Variants in BABAM2 observed in about 807,000 individuals in gnomAD.
The protein encoded by BABAM2 is BRISC and BRCA1-A complex member 2.
A neutral mutation model predicts 54.7 loss-of-function variants in BABAM2; 31 were observed. The ratio of observed to expected loss-of-function variants is 0.57; its 90% CI spans 0.43 to 0.77. BABAM2 has a LOEUF of 0.77. BABAM2 is among the 30% of genes least tolerant of loss of function. BABAM2 has a pLI of 0.00. For synonymous variants in BABAM2, 167 were observed against 162.9 expected (o/e 1.03, Z -0.19); for missense variants, 364 against 455.8 (o/e 0.80, Z 1.83).
Position 28,338,708 on chromosome 2 carries a change from C to G in BABAM2, c.*195C>G. 1.7e-6 allele frequency: 1 copy of G among 577,770 alleles called. No individual in the cohort carries two copies. Among genetic ancestry groups the G allele is most frequent in the Non-Finnish European group, 3.1e-6 (1 of 326,894 alleles). The allele number at this position is 577,770 out of a possible 1,614,324, so 35.8% of individuals were successfully genotyped here. A position where few individuals can be genotyped will look rare whatever the true frequency, so the allele number is the denominator to read the frequency against. Reference sequence around the variant, plus strand: ...GGCTGGTGGTCCCTGGATCCTAGAGCCCTTCACTTCGGGTTACTCCCTCTT... The same window carrying G: ...GGCTGGTGGTCCCTGGATCCTAGAGGCCTTCACTTCGGGTTACTCCCTCTT... On this transcript the variant is annotated 3_prime_UTR_variant, in exon 12 of 12. Coordinates refer to ENST00000379624, the MANE Select transcript of BABAM2 (RefSeq NM_199191.3).
chr2:28,005,031 T>C (rs1052069557), intron 4 of BABAM2, among the ~76,000 whole-genome samples: 1 of 152,190 alleles, frequency 6.6e-6, no homozygotes, highest in Non-Finnish European at 1.5e-5. Flanking sequence ...TACTTTCAAC[T>C]ACTATCTAGG....
At chr2:27,968,030 A>G (rs1192112675) in intron 3 of BABAM2, among the ~76,000 whole-genome samples, 1 of 152,254 alleles carries the variant, frequency 6.6e-6, no homozygotes, top group East Asian at 1.9e-4. Flanking sequence ...CATATTCTGA[A>G]GAGAAAATTC....
chr2:28,054,311 CT>C (rs1046182328), intron 6 of BABAM2, among the ~76,000 whole-genome samples: 2 of 152,098 alleles, frequency 1.3e-5, no homozygotes, highest in African/African-American at 4.8e-5. Flanking sequence ...TCCCCCTACC[CT>C]TTTTTTAACC....
chr2:27,958,587 G>GT (rs935040904), intron 3 of BABAM2, among the ~76,000 whole-genome samples: 29 of 149,324 alleles, frequency 1.9e-4, no homozygotes, highest in East Asian at 1.4e-3. Context: ...TGTATATTTA[G>GT]TTTTTTTTTA....
intron 10 of BABAM2, among the ~76,000 whole-genome samples, chr2:28,279,592 C>G (rs1042477031): frequency 2.0e-5 from 3 of 151,852 alleles, no homozygotes; most frequent in Admixed American, 2.0e-4. Flanking sequence ...TCTCGAAATC[C>G]CCAACTTCTG....
At chr2:28,159,746 G>A (rs779675291) in intron 7 of BABAM2, among the ~76,000 whole-genome samples, 11 of 151,994 alleles carry the variant, frequency 7.2e-5, no homozygotes, top group Non-Finnish European at 1.0e-4. Flanking sequence ...TGGGCGTGGT[G>A]GCAAGCACCT....
At position 28,268,915 on chromosome 2, in the gene BABAM2, A is replaced by G. The variant is rs192607495; in HGVS notation, c.934+24053A>G. 2.0e-5 allele frequency among the ~76,000 whole-genome samples: 3 copies of G among 152,362 alleles called. No homozygotes were observed. The East Asian group carries it at 5.8e-4, about 29-fold the overall frequency. ...TGCGGAGAAATCCTACAAAGCTGTT[A>G]TTGTGATCCTTGCCAATGAAAGGCA... On this transcript the variant is annotated intron_variant, in intron 10 of 11. Transcript: ENST00000379624.
At chr2:28,166,378 A>G (rs1415894753) in intron 7 of BABAM2, among the ~76,000 whole-genome samples, 1 of 152,110 alleles carries the variant, frequency 6.6e-6, no homozygotes, top group African/African-American at 2.4e-5. Flanking sequence ...GTGACCAAAA[A>G]CTACTCTAGC....
At chr2:28,172,905 G>A (rs1183981659) in intron 7 of BABAM2, among the ~76,000 whole-genome samples, 6 of 152,166 alleles carry the variant, frequency 3.9e-5, no homozygotes, top group Non-Finnish European at 8.8e-5. Flanking sequence ...CACAGTTCCA[G>A]AGGCTAAGAA....
intron 6 of BABAM2, among the ~76,000 whole-genome samples, chr2:28,072,003 A>AT (rs1277111557): frequency 2.0e-5 from 3 of 151,934 alleles, no homozygotes; most frequent in East Asian, 1.9e-4. Flanking sequence ...GAAACTAAAC[A>AT]TTTTTTTTAA....
At chr2:28,045,451 GAAAC>G (rs1387228282) in intron 5 of BABAM2, among the ~76,000 whole-genome samples, 1 of 152,010 alleles carries the variant, frequency 6.6e-6, no homozygotes, top group Admixed American at 6.5e-5. Context: ...ATACTTTTAA[GAAAC>G]AAAAAGGCAA....
intron 10 of BABAM2, among the ~76,000 whole-genome samples, chr2:28,296,864 T>C (rs1171788615): frequency 6.6e-6 from 1 of 152,030 alleles, no homozygotes; most frequent in Non-Finnish European, 1.5e-5. Flanking sequence ...ATTTTTGTAT[T>C]TTTAGTAGAG....
rs754146418 is a variant in BABAM2, at chr2:28,224,851, CAA to C, written c.681-12329_681-12328del. Among the ~76,000 whole-genome samples the C allele has an allele frequency of 3.3e-3, 274 of 83,906 alleles. 2 individuals carry two copies. The highest frequency in any genetic ancestry group is 9.3e-3 in the African/African-American group (225 of 24,316). 55.0% of individuals were successfully genotyped at this position (83,906 alleles called of 152,430 possible). A position where few individuals can be genotyped will look rare whatever the true frequency, so the allele number is the denominator to read the frequency against. The stretch of plus-strand genomic sequence containing the variant: ...AACAAGTCCAAAAACGGTAAATTGA[CAA>C]AAAAAAAAAAAAAAAAAAAAATCTG... On this transcript the variant is annotated intron_variant, in intron 7 of 11. Coordinates refer to ENST00000379624, the MANE Select transcript of BABAM2 (RefSeq NM_199191.3).
At chr2:28,057,914 C>A (rs748141998) in intron 6 of BABAM2, among the ~76,000 whole-genome samples, 1 of 151,800 alleles carries the variant, frequency 6.6e-6, no homozygotes, top group African/African-American at 2.4e-5. Context: ...GAGGCCGAGG[C>A]GGGAGGATCA....
chr2:28,181,281 T>C (rs1675597768), intron 7 of BABAM2, among the ~76,000 whole-genome samples: 1 of 152,150 alleles, frequency 6.6e-6, no homozygotes, highest in African/African-American at 2.4e-5. Context: ...TTATACACAA[T>C]AGAATACTAC....
At chr2:28,174,872 T>TA (rs1674752370) in intron 7 of BABAM2, among the ~76,000 whole-genome samples, 1 of 152,142 alleles carries the variant, frequency 6.6e-6, no homozygotes, top group Admixed American at 6.5e-5. Context: ...GCCCCACTGA[T>TA]ATCCCACTGT....
At chr2:28,228,360 T>C (rs1012271266) in intron 7 of BABAM2, among the ~76,000 whole-genome samples, 2 of 152,224 alleles carry the variant, frequency 1.3e-5, no homozygotes, top group African/African-American at 4.8e-5. Context: ...TCTTGGACCA[T>C]CATTAAAACA....
chr2:27,953,308 A>C (rs995684396), intron 3 of BABAM2, among the ~76,000 whole-genome samples: 1 of 152,056 alleles, frequency 6.6e-6, no homozygotes, highest in African/African-American at 2.4e-5. Context: ...CAGGCTCCCA[A>C]GTAGCTGGGG....
chr2:28,161,896 A>G (rs1049470293), intron 7 of BABAM2, among the ~76,000 whole-genome samples: 2 of 152,164 alleles, frequency 1.3e-5, no homozygotes, highest in Non-Finnish European at 2.9e-5. Flanking sequence ...AGCACCAGAA[A>G]TGGACTCTGA....
Sources: allele counts gnomAD v4.1 joint callset (sites outside exome capture counted in the v4.1 genomes callset), GRCh38; gene constraint gnomAD v4.1.1; transcripts MANE v1.5; gene names NCBI Gene and HGNC (gene_info 2026-07-23, HGNC 2026-07-21).